FBXO42: variants seen among roughly 807,000 people sequenced by gnomAD.
The protein encoded by FBXO42 is F-box only protein 42.
FBXO42 carries 12 observed loss-of-function variants against 71.7 expected under a neutral mutation model. The observed-to-expected ratio is 0.17, with a 90% CI of 0.11 to 0.27. The LOEUF (loss-of-function observed/expected upper bound fraction) is 0.27. FBXO42 is among the 10% of genes least tolerant of loss of function. The pLI is 1.00. For synonymous variants in FBXO42, 325 were observed against 327.5 expected (o/e 0.99, Z 0.08); for missense variants, 707 against 911.9 (o/e 0.78, Z 2.89).
At chr1:16,350,247 AC>A (rs1257021381) in intron 1 of FBXO42, among the ~76,000 whole-genome samples, 1 of 152,176 alleles carries the variant, frequency 6.6e-6, no homozygotes, top group Non-Finnish European at 1.5e-5. Flanking sequence ...ATTTAGCATA[AC>A]AGTGCAACAT....
chr1:16,336,917 G>A (rs1215561243), intron 1 of FBXO42, among the ~76,000 whole-genome samples: 2 of 152,092 alleles, frequency 1.3e-5, no homozygotes, highest in African/African-American at 4.8e-5. Context: ...CCCGGGAGGT[G>A]GAGGTTGTGG....
At position 16,270,751 on chromosome 1, in the gene FBXO42, TACACACACACACACACACACACACAC is replaced by T. The variant is rs58610558; in HGVS notation, c.503-14018_503-13993del. Among the ~76,000 whole-genome samples, 116 of 111,008 alleles carry T rather than the reference TACACACACACACACACACACACACAC, an allele frequency of 1.0e-3. 2 individuals are homozygous for T. The highest frequency in any genetic ancestry group is 9.3e-3 in the East Asian group (35 of 3,748). 72.8% of individuals were successfully genotyped at this position (111,008 alleles called of 152,430 possible). On this transcript the variant is annotated intron_variant, in intron 4 of 9. Transcript: ENST00000375592. ...TCCAAATCCCTTACTTACCATGAGA[TACACACACACACACACACACACACAC>T]ACACACACACACACATATAAAATTC...
At chr1:16,263,811 T>TA (rs1265478036) in intron 4 of FBXO42, among the ~76,000 whole-genome samples, 5 of 141,572 alleles carry the variant, frequency 3.5e-5, no homozygotes, top group Admixed American at 1.4e-4. Context: ...CATTAACTTT[T>TA]TTTTTTTTTT....
chr1:16,258,447 C>T (rs962776262), intron 4 of FBXO42, among the ~76,000 whole-genome samples: 1 of 151,624 alleles, frequency 6.6e-6, no homozygotes, highest in African/African-American at 2.4e-5. Flanking sequence ...GCCTCAACCT[C>T]CTGGGCTCAA....
intron 1 of FBXO42, among the ~76,000 whole-genome samples, chr1:16,348,426 C>G (rs146451989): frequency 6.6e-6 from 1 of 152,076 alleles, no homozygotes; most frequent in African/African-American, 2.4e-5. Context: ...TCGTCGGGAG[C>G]GGTGGCTGAA....
At chr1:16,300,597 T>A (rs1259287005) in intron 3 of FBXO42, among the ~76,000 whole-genome samples, 1 of 152,228 alleles carries the variant, frequency 6.6e-6, no homozygotes, top group Non-Finnish European at 1.5e-5. Flanking sequence ...GAGACTATGC[T>A]GTCATGTGTC....
rs550916297 is a variant in FBXO42 at position 16,325,660 on chromosome 1, T to G, written c.-17-10225A>C. Among the ~76,000 whole-genome samples the G allele has an allele frequency of 1.4e-4, 22 of 151,772 alleles. No homozygotes were observed. The South Asian group carries it at 4.3e-3, about 30-fold the overall frequency. On this transcript the variant is annotated intron_variant, in intron 1 of 9. Transcript: ENST00000375592. Reference sequence around the variant, plus strand: ...CTACCCATCAATATACTTTCTTTTTTTTGTTGTTTTGTTTTTGAGAGAGTC... The same window carrying G: ...CTACCCATCAATATACTTTCTTTTTGTTGTTGTTTTGTTTTTGAGAGAGTC...
At chr1:16,344,034 G>A (rs772273056) in intron 1 of FBXO42, among the ~76,000 whole-genome samples, 2 of 150,930 alleles carry the variant, frequency 1.3e-5, no homozygotes, top group Non-Finnish European at 2.9e-5. Context: ...TTTCACTCAT[G>A]TTGCCAAGGC....
intron 1 of FBXO42, among the ~76,000 whole-genome samples, chr1:16,338,144 A>G (rs1169930790): frequency 1.3e-5 from 2 of 151,570 alleles, no homozygotes; most frequent in Non-Finnish European, 2.9e-5. Context: ...CTGTAGTCCC[A>G]GCTACTCGGG....
chr1:16,280,602 T>TATGGAA (rs2081952788), intron 4 of FBXO42, among the ~76,000 whole-genome samples: 1 of 152,124 alleles, frequency 6.6e-6, no homozygotes, highest in Non-Finnish European at 1.5e-5. Context: ...GTGTCAGATA[T>TATGGAA]ATGGAAACTC....
At chr1:16,341,429 G>A (rs1035339771) in intron 1 of FBXO42, among the ~76,000 whole-genome samples, 1 of 150,940 alleles carries the variant, frequency 6.6e-6, no homozygotes. Flanking sequence ...GTAAAACACC[G>A]TCTCTACTGA....
rs2082358383 is a variant in FBXO42, at chr1:16,315,894, G to C, written c.-17-459C>G. The stretch of plus-strand genomic sequence containing the variant: ...TTAAGAAATAACCGTTTTTCGACCA[G>C]GCATGGTGGCTCAAACCTGTAATCC... On this transcript the variant is annotated intron_variant, in intron 1 of 9. Transcript: ENST00000375592. Among the ~76,000 whole-genome samples, 3 of 152,220 alleles carry C rather than the reference G, an allele frequency of 2.0e-5. No individual in the cohort carries two copies. The South Asian group carries it at 6.2e-4, about 32-fold the overall frequency.
At chr1:16,287,396 A>G (rs1004313976) in intron 4 of FBXO42, among the ~76,000 whole-genome samples, 2 of 152,110 alleles carry the variant, frequency 1.3e-5, no homozygotes, top group Admixed American at 6.6e-5. Context: ...ATACTGTTAT[A>G]TATTTGTCAT....
intron 4 of FBXO42, among the ~76,000 whole-genome samples, chr1:16,277,206 G>A (rs1557580367): frequency 2.0e-5 from 3 of 152,144 alleles, no homozygotes; most frequent in African/African-American, 4.8e-5. Flanking sequence ...TTGTTATACT[G>A]TCTGATATTC....
intron 4 of FBXO42, among the ~76,000 whole-genome samples, chr1:16,259,325 C>T (rs2081683467): frequency 6.6e-6 from 1 of 152,146 alleles, no homozygotes; most frequent in African/African-American, 2.4e-5. Context: ...TGGAAATCAT[C>T]AGTACTATGA....
intron 1 of FBXO42, among the ~76,000 whole-genome samples, chr1:16,324,096 T>A (rs1271435831): frequency 6.6e-6 from 1 of 151,900 alleles, no homozygotes; most frequent in African/African-American, 2.4e-5. Flanking sequence ...AGCCTTCTTA[T>A]GAATATACCA....
chr1:16,312,720 C>T (rs2100571552), intron 2 of FBXO42, among the ~76,000 whole-genome samples: 1 of 151,830 alleles, frequency 6.6e-6, no homozygotes, highest in Middle Eastern at 3.5e-3. Context: ...ATGTACCACT[C>T]TGGTGGGGGA....
rs55983316 is a variant in FBXO42 at position 16,335,063 on chromosome 1, C to CAAAAA, written c.-18+17187_-18+17191dup. Among the ~76,000 whole-genome samples the CAAAAA allele has an allele frequency of 5.2e-3, 357 of 69,022 alleles. 45 individuals carry two copies. Among genetic ancestry groups the CAAAAA allele is most frequent in the South Asian group, 0.011 (17 of 1,542 alleles). 45.3% of individuals were successfully genotyped at this position (69,022 alleles called of 152,430 possible). A position where few individuals can be genotyped will look rare whatever the true frequency, so the allele number is the denominator to read the frequency against. On this transcript the variant is annotated intron_variant, in intron 1 of 9. Coordinates refer to ENST00000375592, the MANE Select transcript of FBXO42 (RefSeq NM_018994.3). ...GCAACACAGCAAAACCTCGTCTGTA[C>CAAAAA]AAAAAAAAAAAAAAAAAAAAAAAAA...
At chr1:16,316,648 C>A (rs147033446) in intron 1 of FBXO42, among the ~76,000 whole-genome samples, 3,472 of 144,712 alleles carry the variant, frequency 0.024, 135 homozygotes, top group African/African-American at 0.084. Context: ...GGCAGGAGAA[C>A]TGCTTGAACC....
Sources: gnomAD v4.1 joint callset for allele counts (sites outside exome capture counted in the v4.1 genomes callset) on GRCh38, gnomAD v4.1.1 for gene constraint, MANE v1.5 for transcripts, NCBI Gene and HGNC (gene_info 2026-07-23, HGNC 2026-07-21) for gene names.